AKR1C3: variants seen among roughly 807,000 people sequenced by gnomAD.
AKR1C3 encodes 3-alpha hydroxysteroid dehydrogenase, type II.
In AKR1C3, 48 loss-of-function variants were observed where a neutral mutation model predicts 43.6. The ratio of observed to expected loss-of-function variants is 1.10; its 90% confidence interval spans 0.87 to 1.40. The LOEUF (loss-of-function observed/expected upper bound fraction) is 1.40. AKR1C3 is among the 40% of genes most tolerant of loss of function. The probability of loss-of-function intolerance (pLI) is 0.00; values close to 1 mark genes in which losing one functional copy is unlikely to be tolerated. For synonymous variants in AKR1C3, 162 were observed against 139.6 expected (o/e 1.16, Z -1.13); for missense variants, 482 against 391.2 (o/e 1.23, Z -1.96).
At chr10:5,076,648 C>G (rs1448137196) in intron 1 of AKR1C3, among the ~76,000 whole-genome samples, 6 of 152,132 alleles carry the variant, frequency 3.9e-5, no homozygotes, top group Non-Finnish European at 8.8e-5. Context: ...ATCACATGCT[C>G]TGTACTAATT....
chr10:5,084,550 G>C (rs1174460529), intron 1 of AKR1C3, among the ~76,000 whole-genome samples: 1 of 152,126 alleles, frequency 6.6e-6, no homozygotes, highest in Non-Finnish European at 1.5e-5. Flanking sequence ...GGATTGACTT[G>C]GTGAGGCGGG....
intron 1 of AKR1C3, among the ~76,000 whole-genome samples, chr10:5,088,525 A>G (rs1237140435): frequency 6.6e-6 from 1 of 151,868 alleles, no homozygotes; most frequent in Admixed American, 6.6e-5. Context: ...ATACATTTAT[A>G]TTTAGGATGG....
At chr10:5,106,497 T>C (rs1839503340) in intron 8 of AKR1C3, among the ~76,000 whole-genome samples, 1 of 152,074 alleles carries the variant, frequency 6.6e-6, no homozygotes, top group Non-Finnish European at 1.5e-5. Flanking sequence ...ACGCCTATAA[T>C]CCCAGCACTT....
At chr10:5,088,662 A>T (rs1168733409) in intron 1 of AKR1C3, among the ~76,000 whole-genome samples, 3 of 151,594 alleles carry the variant, frequency 2.0e-5, no homozygotes, top group African/African-American at 7.3e-5. Flanking sequence ...TGACATTGAT[A>T]TATCATGTAA....
At position 5,102,085 on chromosome 10, in the gene AKR1C3, T is replaced by C; in HGVS notation, c.571-16T>C. The C allele has an allele frequency of 1.3e-6, 2 of 1,512,692 alleles. No homozygotes were observed. The allele number at this position is 1,512,692 out of a possible 1,614,324, so 93.7% of individuals were successfully genotyped here. On this transcript the variant is annotated splice_polypyrimidine_tract_variant and intron_variant, in intron 5 of 8. Coordinates refer to ENST00000380554, the MANE Select transcript of AKR1C3 (RefSeq NM_003739.6). ...TTTCATATAAATTGATGCTTCTCTCTTTTGGTCAACTGCAGGTAGAATGTC... is the reference window on the plus strand; with the variant it reads ...TTTCATATAAATTGATGCTTCTCTCCTTTGGTCAACTGCAGGTAGAATGTC...
chr10:5,096,624 T>A (rs782198854), intron 2 of AKR1C3, 47 bp downstream of exon 2: 3 of 1,560,942 alleles, frequency 1.9e-6, no homozygotes, highest in Non-Finnish European at 2.6e-6. Context: ...TTATTGTGAT[T>A]GTGTGGAGAT....
At chr10:5,078,487 T>G (rs1838764204) in intron 1 of AKR1C3, among the ~76,000 whole-genome samples, 1 of 152,172 alleles carries the variant, frequency 6.6e-6, no homozygotes, top group African/African-American at 2.4e-5. Flanking sequence ...CGAGATAGTT[T>G]GTGGCAAAGT....
At chr10:5,056,179 G>A (rs941242621) in intron 1 of AKR1C3, among the ~76,000 whole-genome samples, 1 of 152,128 alleles carries the variant, frequency 6.6e-6, no homozygotes, top group African/African-American at 2.4e-5. Flanking sequence ...CCTAGATCTT[G>A]GGCCAGTGCC....
intron 1 of AKR1C3, among the ~76,000 whole-genome samples, chr10:5,078,764 C>G (rs1838771043): frequency 6.6e-6 from 1 of 152,198 alleles, no homozygotes; most frequent in Admixed American, 6.5e-5. Flanking sequence ...GCTGTTATCT[C>G]TGCTTTGTGA....
At chr10:5,103,130 A>G (rs1211818949) in intron 7 of AKR1C3, among the ~76,000 whole-genome samples, 1 of 152,012 alleles carries the variant, frequency 6.6e-6, no homozygotes, top group East Asian at 1.9e-4. Flanking sequence ...ACCTCAGGCA[A>G]CCCACCTGCT....
At chr10:5,100,809 GAT>G (rs1839330485) in intron 5 of AKR1C3, among the ~76,000 whole-genome samples, 1 of 152,014 alleles carries the variant, frequency 6.6e-6, no homozygotes, top group Admixed American at 6.6e-5. Context: ...CAGAAAATTT[GAT>G]AAAAATAATA....
rs782272473 is a variant in AKR1C3 at position 5,107,453 on chromosome 10, CTT to C, written c.930-5_930-4del. ...TTGCATTTATATTATACATTATTCT[CTT>C]TTCAGTTTTGCTAGCCACCCTAATT... On this transcript the variant is annotated splice_polypyrimidine_tract_variant and splice_region_variant and intron_variant, in intron 8 of 8. Coordinates refer to ENST00000380554, the MANE Select transcript of AKR1C3 (RefSeq NM_003739.6). 4 of 1,549,334 alleles carry C rather than the reference CTT, an allele frequency of 2.6e-6. No homozygotes were observed. Among genetic ancestry groups the C allele is most frequent in the Non-Finnish European group, 2.7e-6 (3 of 1,121,532 alleles).
At position 5,098,838 on chromosome 10, in the gene AKR1C3, A is replaced by C; in HGVS notation, c.406A>C (p.Lys136Gln). The C allele has an allele frequency of 6.2e-7, 1 of 1,613,930 alleles. No homozygotes were observed. The highest frequency in any genetic ancestry group is 1.1e-5 in the South Asian group (1 of 90,980). ...ACTTTCACCAACAGATGAAAATGGA[A>C]AAGTAATATTTGACATAGTGGATCT... The part of the protein sequence containing the change: ...EELSPTDENG[K>Q]VIFDIVDLCT... The change falls in exon 4 of 9, where the codon AAA becomes CAA. Residue 136 changes from lysine (K) to glutamine (Q), a missense_variant. Lys to Gln is a moderately conservative substitution (Grantham distance 53). Transcript: ENST00000380554.
At chr10:5,078,114 A>C (rs1485494024) in intron 1 of AKR1C3, 1 of 539,110 alleles carries the variant, frequency 1.9e-6, no homozygotes, top group Admixed American at 3.8e-5. Flanking sequence ...CAAAGTCAAC[A>C]TACTAGAGTG....
intron 1 of AKR1C3, among the ~76,000 whole-genome samples, chr10:5,060,678 C>T (rs1314860685): frequency 2.0e-5 from 3 of 152,226 alleles, no homozygotes; most frequent in Admixed American, 6.5e-5. Context: ...AATCCTGTGC[C>T]ATGTGCCCGC....
At chr10:5,105,825 G>A (rs927184855) in intron 8 of AKR1C3, 148 bp downstream of exon 8, 2 of 659,844 alleles carry the variant, frequency 3.0e-6, no homozygotes, top group East Asian at 2.8e-5. Context: ...TCACTCCAGA[G>A]CTCTGTTCTC....
intron 8 of AKR1C3, among the ~76,000 whole-genome samples, chr10:5,106,973 T>C (rs1564373866): frequency 6.6e-6 from 1 of 152,166 alleles, no homozygotes; most frequent in Non-Finnish European, 1.5e-5. Context: ...GTAATTCTTA[T>C]CATCCATTAA....
intron 1 of AKR1C3, among the ~76,000 whole-genome samples, chr10:5,073,031 T>C (rs1280259318): frequency 2.6e-5 from 4 of 152,174 alleles, no homozygotes; most frequent in Admixed American, 2.6e-4. Context: ...TGGCACAATC[T>C]TGGCTCACTG....
chr10:5,107,271 T>G (rs1308518386), intron 8 of AKR1C3, among the ~76,000 whole-genome samples, 190 bp from the exon 9 acceptor site: 2 of 152,184 alleles, frequency 1.3e-5, no homozygotes. Flanking sequence ...GATAAGGGAA[T>G]ATGATTGAAT....
Sources: gnomAD v4.1 joint callset for allele counts (sites outside exome capture counted in the v4.1 genomes callset) on GRCh38, gnomAD v4.1.1 for gene constraint, MANE v1.5 for transcripts, NCBI Gene and HGNC (gene_info 2026-07-23, HGNC 2026-07-21) for gene names.